Variants in SLC44A5 observed in about 807,000 individuals in gnomAD.
The protein encoded by SLC44A5 is solute carrier family 44 member 5, also known as choline transporter-like protein 5.
Under a neutral mutation model 101.8 loss-of-function variants are expected in SLC44A5, and 57 were observed. The observed-to-expected ratio is 0.56, with a 90% CI of 0.45 to 0.70. The LOEUF (loss-of-function observed/expected upper bound fraction) is 0.70, where lower values mean the gene tolerates loss of function less well. Ranked by LOEUF, SLC44A5 falls within the 30% of genes least tolerant of loss-of-function variation. SLC44A5 has a pLI of 0.00. For missense variants in SLC44A5, 737 were observed against 853.1 expected, an observed-to-expected ratio of 0.86 and a Z score of 1.70; for synonymous variants, 281 against 290.9, an observed-to-expected ratio of 0.97 and a Z score of 0.35.
chr1:75,285,367 T>G (rs1050593599), intron 5 of SLC44A5, among the ~76,000 whole-genome samples: 2 of 151,912 alleles, frequency 1.3e-5, no homozygotes, highest in Non-Finnish European at 2.9e-5. Flanking sequence ...AATTGGATCT[T>G]CTCTCTTCTT....
intron 2 of SLC44A5, among the ~76,000 whole-genome samples, chr1:75,528,040 T>C (rs183594708): frequency 6.6e-6 from 1 of 152,316 alleles, no homozygotes; most frequent in African/African-American, 2.4e-5. Context: ...TCTTTTCTAA[T>C]CCTACTATAT....
chr1:75,411,693 A>T (rs894751246), intron 2 of SLC44A5, among the ~76,000 whole-genome samples: 2 of 152,082 alleles, frequency 1.3e-5, no homozygotes, highest in African/African-American at 4.8e-5. Context: ...TGGATCAGGG[A>T]TTGGGGATAA....
chr1:75,710,598 A>G, the SLC44A5 span: 8 of 150,924 alleles, frequency 5.3e-5, no homozygotes, highest in East Asian at 1.6e-3. Context: ...GGAAAAAATA[A>G]GCAGTTAAAT....
At chr1:75,706,816 C>T in the SLC44A5 span, among the ~76,000 whole-genome samples, 1 of 151,916 alleles carries the variant, frequency 6.6e-6, no homozygotes, top group Non-Finnish European at 1.5e-5. Context: ...TTTCCTGTTT[C>T]TTTTGCTTCC....
chr1:75,280,079 T>C (rs1652281332), intron 5 of SLC44A5, among the ~76,000 whole-genome samples: 1 of 144,500 alleles, frequency 6.9e-6, no homozygotes, highest in Admixed American at 7.6e-5. Context: ...AATTACATTA[T>C]TTCATTCCTT....
chr1:75,551,942 C>T (rs1047934575), intron 1 of SLC44A5, among the ~76,000 whole-genome samples: 3 of 152,070 alleles, frequency 2.0e-5, no homozygotes, highest in African/African-American at 7.2e-5. Flanking sequence ...ACTTTTTGTG[C>T]TCCATCTCAG....
intron 3 of SLC44A5, among the ~76,000 whole-genome samples, chr1:75,395,336 G>A (rs936778939): frequency 6.6e-6 from 1 of 152,038 alleles, no homozygotes; most frequent in South Asian, 2.1e-4. Flanking sequence ...CCTCTACTTT[G>A]TTTTAAGGTA....
At chr1:75,259,030 A>G (rs894137683) in intron 6 of SLC44A5, among the ~76,000 whole-genome samples, 4 of 152,122 alleles carry the variant, frequency 2.6e-5, no homozygotes, top group African/African-American at 9.7e-5. Flanking sequence ...AAGGTCACTG[A>G]CTTTAAAGAC....
the SLC44A5 span, among the ~76,000 whole-genome samples, chr1:75,630,609 T>TTATTAC: frequency 6.6e-6 from 1 of 151,978 alleles, no homozygotes; most frequent in South Asian, 2.1e-4. Context: ...ATTATTATTA[T>TTATTAC]TATTACTATT....
At chr1:75,363,214 T>C (rs1659620954) in intron 3 of SLC44A5, among the ~76,000 whole-genome samples, 1 of 152,120 alleles carries the variant, frequency 6.6e-6, no homozygotes, top group African/African-American at 2.4e-5. Context: ...AAGTCTCTTG[T>C]AGGCAGTATA....
the SLC44A5 span, among the ~76,000 whole-genome samples, chr1:75,661,400 A>AAC: frequency 6.7e-6 from 1 of 148,748 alleles, no homozygotes; most frequent in South Asian, 2.1e-4. Context: ...AAAAAAAAAA[A>AAC]AAAAAAAAAA....
chr1:75,286,406 C>T (rs781297434), intron 5 of SLC44A5, among the ~76,000 whole-genome samples: 1 of 152,016 alleles, frequency 6.6e-6, no homozygotes, highest in Non-Finnish European at 1.5e-5. Flanking sequence ...ATAGTTCGTT[C>T]GTGAATTCTT....
At chr1:75,212,487 T>C (rs1646877716) in intron 22 of SLC44A5, among the ~76,000 whole-genome samples, 1 of 152,168 alleles carries the variant, frequency 6.6e-6, no homozygotes, top group African/African-American at 2.4e-5. Flanking sequence ...GATAACAGCC[T>C]CCAGCTCCAT....
chr1:75,205,395 CT>C (rs1228269243), intron 23 of SLC44A5: 1 of 152,114 alleles, frequency 6.6e-6, no homozygotes, highest in Non-Finnish European at 1.5e-5. Context: ...TTCAATGCTC[CT>C]TTTGGGGTGC....
chr1:75,446,440 G>A (rs1202105478), intron 2 of SLC44A5, among the ~76,000 whole-genome samples: 14 of 152,058 alleles, frequency 9.2e-5, no homozygotes, highest in Non-Finnish European at 1.5e-5. Context: ...TTGAGTCTCT[G>A]CCTAAATATC....
At chr1:75,474,277 T>G (rs1207334087) in intron 2 of SLC44A5, among the ~76,000 whole-genome samples, 2 of 152,212 alleles carry the variant, frequency 1.3e-5, no homozygotes, top group African/African-American at 2.4e-5. Context: ...AGTAAATTTG[T>G]CCAGTCTAAA....
the SLC44A5 span, among the ~76,000 whole-genome samples, chr1:75,670,233 G>C: frequency 6.6e-6 from 1 of 151,900 alleles, no homozygotes; most frequent in Admixed American, 6.6e-5. Context: ...AGTAAGCAAA[G>C]GTAATAATCA....
At chr1:75,326,609 G>A (rs889621403) in intron 4 of SLC44A5, among the ~76,000 whole-genome samples, 23 of 152,218 alleles carry the variant, frequency 1.5e-4, no homozygotes, top group African/African-American at 5.3e-4. Flanking sequence ...GGAAAACCAA[G>A]AGTGTTTAAC....
At chr1:75,236,172 A>G (rs1329008826) in intron 11 of SLC44A5, among the ~76,000 whole-genome samples, 3 of 152,076 alleles carry the variant, frequency 2.0e-5, no homozygotes, top group South Asian at 4.1e-4. Flanking sequence ...TATGTTTAGA[A>G]TATAGTGTTA....
Sources: allele counts gnomAD v4.1 joint callset (sites outside exome capture counted in the v4.1 genomes callset), GRCh38; gene constraint gnomAD v4.1.1; transcripts MANE v1.5; gene names NCBI Gene and HGNC (gene_info 2026-07-23, HGNC 2026-07-21).